CNTLN: variants seen among roughly 807,000 people sequenced by gnomAD.
CNTLN encodes centlein.
A neutral mutation model predicts 180.0 loss-of-function variants in CNTLN; 212 were observed. The observed-to-expected ratio is 1.18, with a 90% CI of 1.05 to 1.32. The LOEUF is 1.32. Ranked by LOEUF, CNTLN falls within the 40% of genes most tolerant of loss-of-function variation. The pLI is 0.00. For synonymous variants in CNTLN, 722 were observed against 563.1 expected, an observed-to-expected ratio of 1.28 and a Z score of -3.99; for missense variants, 2,095 against 1,610.9, an observed-to-expected ratio of 1.30 and a Z score of -5.14.
intron 2 of CNTLN, among the ~76,000 whole-genome samples, chr9:17,156,998 C>G (rs1300015942): frequency 6.6e-6 from 1 of 152,154 alleles, no homozygotes; most frequent in Non-Finnish European, 1.5e-5. Flanking sequence ...TAGAAAGATA[C>G]TGGAGGCTGA....
intron 25 of CNTLN, among the ~76,000 whole-genome samples, chr9:17,499,706 T>C (rs987306863): frequency 3.3e-5 from 5 of 152,194 alleles, no homozygotes; most frequent in African/African-American, 1.2e-4. Flanking sequence ...GTTCTGACTT[T>C]TTCTTAGTCT....
intron 6 of CNTLN, among the ~76,000 whole-genome samples, chr9:17,275,511 C>G (rs556994365): frequency 6.6e-6 from 1 of 152,130 alleles, no homozygotes; most frequent in African/African-American, 2.4e-5. Flanking sequence ...GACTGTTTTC[C>G]ATATTGTCAA....
rs181031289 is a variant in CNTLN at position 17,160,633 on chromosome 9, C to G, written c.449+17257C>G. Among the ~76,000 whole-genome samples, 771 of 152,174 alleles carry G rather than the reference C, an allele frequency of 5.1e-3. 5 individuals are homozygous for G. Among genetic ancestry groups the G allele is most frequent in the Admixed American group, 8.0e-3 (122 of 15,294 alleles). The stretch of plus-strand genomic sequence containing the variant: ...TCTGAACATCTTATTGATTTCTTTT[C>G]CAAATATCAGTTCTGTTTTACATCT... On this transcript the variant is annotated intron_variant, in intron 2 of 25. Transcript: ENST00000380647.
intron 16 of CNTLN, among the ~76,000 whole-genome samples, chr9:17,413,811 T>C (rs1489591952): frequency 1.3e-5 from 2 of 152,110 alleles, no homozygotes; most frequent in African/African-American, 4.8e-5. Context: ...AGTTTGTCAG[T>C]TTCTTAAAAA....
chr9:17,280,517 A>C (rs1245656287), intron 6 of CNTLN, among the ~76,000 whole-genome samples: 3 of 152,172 alleles, frequency 2.0e-5, no homozygotes, highest in African/African-American at 7.2e-5. Flanking sequence ...CACGGATTAC[A>C]TACTGATTAC....
At chr9:17,268,160 T>C (rs1166395609) in intron 5 of CNTLN, among the ~76,000 whole-genome samples, 1 of 152,186 alleles carries the variant, frequency 6.6e-6, no homozygotes, top group African/African-American at 2.4e-5. Flanking sequence ...TCCCCATCTT[T>C]GTGGTTTTAT....
intron 18 of CNTLN, among the ~76,000 whole-genome samples, chr9:17,453,027 G>A (rs758185537): frequency 3.3e-5 from 5 of 152,120 alleles, no homozygotes; most frequent in Non-Finnish European, 5.9e-5. Flanking sequence ...AAAAGAAAAT[G>A]GGGGTCAAGC....
intron 2 of CNTLN, among the ~76,000 whole-genome samples, chr9:17,149,809 A>G (rs1818729857): frequency 6.6e-6 from 1 of 151,914 alleles, no homozygotes; most frequent in South Asian, 2.1e-4. Flanking sequence ...GAGCCACTGC[A>G]CCTGGCCTGT....
chr9:17,444,804 A>G (rs1272542778), intron 18 of CNTLN, among the ~76,000 whole-genome samples: 1 of 152,180 alleles, frequency 6.6e-6, no homozygotes, highest in Non-Finnish European at 1.5e-5. Context: ...ACAGAAAACA[A>G]TTCTGAATAG....
chr9:17,463,242 A>C (rs188008755), intron 20 of CNTLN, among the ~76,000 whole-genome samples: 2 of 151,800 alleles, frequency 1.3e-5, no homozygotes, highest in East Asian at 3.9e-4. Context: ...TATTAAACAT[A>C]TTTAATTTTG....
intron 18 of CNTLN, among the ~76,000 whole-genome samples, chr9:17,428,647 A>T (rs1443888513): frequency 1.3e-5 from 2 of 152,116 alleles, no homozygotes; most frequent in African/African-American, 4.8e-5. Context: ...TCATTGAAAA[A>T]ATAATTCAGT....
chr9:17,485,856 G>A (rs1374547061), intron 24 of CNTLN, among the ~76,000 whole-genome samples: 2 of 152,090 alleles, frequency 1.3e-5, no homozygotes, highest in East Asian at 1.9e-4. Context: ...CTTTGAATGA[G>A]CAAATCAGAA....
chr9:17,354,576 C>T (rs1029014844), intron 12 of CNTLN, among the ~76,000 whole-genome samples: 1 of 152,122 alleles, frequency 6.6e-6, no homozygotes, highest in Non-Finnish European at 1.5e-5. Context: ...TCTGGTGGGG[C>T]CTTGGAGAAC....
intron 12 of CNTLN, among the ~76,000 whole-genome samples, chr9:17,352,808 A>C (rs1233440971): frequency 6.6e-6 from 1 of 152,194 alleles, no homozygotes; most frequent in Non-Finnish European, 1.5e-5. Context: ...AGAATCATAC[A>C]ATATGTGACC....
the CNTLN span, among the ~76,000 whole-genome samples, chr9:17,527,400 A>G: frequency 6.6e-6 from 1 of 152,232 alleles, no homozygotes; most frequent in African/African-American, 2.4e-5. Flanking sequence ...CAGAGAATTA[A>G]ATTTATCCTT....
At chr9:17,169,573 T>TAA (rs1820296870) in intron 2 of CNTLN, among the ~76,000 whole-genome samples, 1 of 152,236 alleles carries the variant, frequency 6.6e-6, no homozygotes, top group South Asian at 2.1e-4. Context: ...AGTTGATTTT[T>TAA]GTGTATGGCA....
At chr9:17,419,687 T>C (rs1039973286) in intron 18 of CNTLN, among the ~76,000 whole-genome samples, 13 of 152,148 alleles carry the variant, frequency 8.5e-5, no homozygotes, top group African/African-American at 3.1e-4. Flanking sequence ...GAAATAACCT[T>C]ATACCCTTCA....
intron 12 of CNTLN, among the ~76,000 whole-genome samples, chr9:17,361,159 C>T (rs1258746867): frequency 6.6e-6 from 1 of 152,124 alleles, no homozygotes; most frequent in Admixed American, 6.5e-5. Context: ...GTGCTGCACC[C>T]ATTAACTCCT....
At chr9:17,322,301 C>A (rs138632795) in intron 8 of CNTLN, among the ~76,000 whole-genome samples, 2 of 152,010 alleles carry the variant, frequency 1.3e-5, no homozygotes, top group Admixed American at 6.5e-5. Context: ...AATTTGAAGT[C>A]TTTATCTTTT....
Sources: gnomAD v4.1 joint callset for allele counts (sites outside exome capture counted in the v4.1 genomes callset) on GRCh38, gnomAD v4.1.1 for gene constraint, MANE v1.5 for transcripts, NCBI Gene and HGNC (gene_info 2026-07-23, HGNC 2026-07-21) for gene names.